The following VGLL3 variants were observed in gnomAD, a reference collection of about 807,000 sequenced individuals.
VGLL3 encodes vestigial like family member 3, also known as transcription cofactor vestigial-like protein 3.
VGLL3 carries 18 observed loss-of-function variants against 29.2 expected under a neutral mutation model. The observed-to-expected ratio is 0.62, with a 90% CI of 0.43 to 0.91. The LOEUF (loss-of-function observed/expected upper bound fraction) is 0.91, where lower values mean the gene tolerates loss of function less well. VGLL3 is among the 40% of genes least tolerant of loss of function. VGLL3 has a pLI of 0.00. For synonymous variants in VGLL3, 180 were observed against 151.8 expected (o/e 1.19, Z -1.36); for missense variants, 440 against 413.2 (o/e 1.06, Z -0.56).
intron 3 of VGLL3, among the ~76,000 whole-genome samples, chr3:86,952,631 A>C (rs1704638752): frequency 6.6e-6 from 1 of 152,224 alleles, no homozygotes; most frequent in Non-Finnish European, 1.5e-5. Flanking sequence ...TACATATTAA[A>C]AGTCAAGAAG....
intron 1 of VGLL3, among the ~76,000 whole-genome samples, chr3:86,981,183 C>T (rs1219989671): frequency 6.6e-6 from 1 of 151,946 alleles, no homozygotes; most frequent in Non-Finnish European, 1.5e-5. Flanking sequence ...GTATTCTTAT[C>T]AATAGTAGCA....
intron 3 of VGLL3, among the ~76,000 whole-genome samples, chr3:86,953,788 GCATTTAGTATA>G (rs1704661677): frequency 6.6e-6 from 1 of 151,918 alleles, no homozygotes; most frequent in Non-Finnish European, 1.5e-5. Flanking sequence ...TTGTATACTA[GCATTTAGTATA>G]CTTTTAGGTA....
rs1704512613 is a variant in VGLL3, at chr3:86,946,651, C to T, written c.*373G>A. 6.0e-6 allele frequency: 1 copy of T among 165,716 alleles called. No homozygotes were observed. The highest frequency in any genetic ancestry group is 1.3e-5 in the Non-Finnish European group (1 of 77,574). 10.3% of individuals were successfully genotyped at this position (165,716 alleles called of 1,614,324 possible). A position where few individuals can be genotyped will look rare whatever the true frequency, so the allele number is the denominator to read the frequency against. ...AAATAGATGCACATAGAGCTACAAA[C>T]TTGTATTCCTGAAAGAATGAACATT... is the stretch of plus-strand genomic sequence containing the variant. On this transcript the variant is annotated 3_prime_UTR_variant, in exon 4 of 4. Transcript: ENST00000398399.
chr3:86,982,521 G>T (rs966903188), intron 1 of VGLL3, among the ~76,000 whole-genome samples: 10 of 150,406 alleles, frequency 6.6e-5, no homozygotes, highest in African/African-American at 9.8e-5. Context: ...CTTGGTGTTT[G>T]CTCCTTCAGT....
chr3:86,970,479 A>ACACG (rs1442132073), intron 2 of VGLL3, among the ~76,000 whole-genome samples: 6 of 111,896 alleles, frequency 5.4e-5, no homozygotes, highest in African/African-American at 1.8e-4. Flanking sequence ...TATATTACAC[A>ACACG]CACGCACACA....
chr3:86,956,008 T>A (rs571151877), intron 3 of VGLL3, among the ~76,000 whole-genome samples: 15 of 152,330 alleles, frequency 9.8e-5, no homozygotes, highest in Admixed American at 2.0e-4. Context: ...TGTGAAACCT[T>A]ATATTACTGA....
At position 86,990,599 on chromosome 3, in the gene VGLL3, T is replaced by C; in HGVS notation, c.126+19A>G. On this transcript the variant is annotated intron_variant, in intron 1 of 3. Transcript: ENST00000398399. The stretch of plus-strand genomic sequence containing the variant: ...CCCTTCGCCCCCGCCCCCAGCAGGC[T>C]GCCCGTCCGGTGACTCACCTGCTGG... The C allele has an allele frequency of 2.2e-6, 3 of 1,334,176 alleles. No individual in the cohort carries two copies. Among genetic ancestry groups the C allele is most frequent in the Non-Finnish European group, 2.9e-6 (3 of 1,033,436 alleles). The allele number at this position is 1,334,176 out of a possible 1,614,324, so 82.6% of individuals were successfully genotyped here.
chr3:86,990,977 T>G lies in VGLL3; in HGVS notation c.-234A>C. On this transcript the variant is annotated 5_prime_UTR_variant, in exon 1 of 4. Coordinates refer to ENST00000398399, the MANE Select transcript of VGLL3 (RefSeq NM_016206.4). ...CCTTCATCTTCAGCCCCTCCGGATGTTCCCTGCCGCGCTTATATAGCGGCT... is the reference window on the plus strand; with the variant it reads ...CCTTCATCTTCAGCCCCTCCGGATGGTCCCTGCCGCGCTTATATAGCGGCT... The G allele has an allele frequency of 2.0e-6, 2 of 1,014,818 alleles. No homozygotes were observed. The highest frequency in any genetic ancestry group is 2.4e-6 in the Non-Finnish European group (2 of 843,038). The allele number at this position is 1,014,818 out of a possible 1,614,324, so 62.9% of individuals were successfully genotyped here. A position where few individuals can be genotyped will look rare whatever the true frequency, so the allele number is the denominator to read the frequency against.
chr3:86,964,251 G>C (rs545905199), intron 3 of VGLL3, among the ~76,000 whole-genome samples: 13 of 152,154 alleles, frequency 8.5e-5, no homozygotes, highest in Non-Finnish European at 1.9e-4. Context: ...GAGCAGAGTA[G>C]AATTAGGTAG....
chr3:86,990,813 G>A lies in VGLL3; in HGVS notation c.-70C>T, dbSNP rs1323405334. On this transcript the variant is annotated 5_prime_UTR_variant, in exon 1 of 4. Coordinates refer to ENST00000398399, the MANE Select transcript of VGLL3 (RefSeq NM_016206.4). Reference sequence around the variant, plus strand: ...ACGCGCTGGCGCGAGGGGCGCGGGCGCCGCCGCCGCCGCAGCTGCCGCCTC... The same window carrying A: ...ACGCGCTGGCGCGAGGGGCGCGGGCACCGCCGCCGCCGCAGCTGCCGCCTC... 5.0e-6 allele frequency: 6 copies of A among 1,200,268 alleles called. No individual in the cohort carries two copies. Among genetic ancestry groups the A allele is most frequent in the African/African-American group, 3.2e-5 (2 of 62,388 alleles). The allele number at this position is 1,200,268 out of a possible 1,614,324, so 74.4% of individuals were successfully genotyped here.
chr3:86,970,948 C>A (rs1314824917), intron 2 of VGLL3, among the ~76,000 whole-genome samples: 2 of 152,108 alleles, frequency 1.3e-5, no homozygotes, highest in African/African-American at 2.4e-5. Context: ...CGGCTTAATA[C>A]TGCTAACAGT....
In VGLL3 at chr3:86,941,895, G is replaced by A. The variant is rs1381621180; in HGVS notation, c.*5129C>T. On this transcript the variant is annotated 3_prime_UTR_variant, in exon 4 of 4. Coordinates refer to ENST00000398399, the MANE Select transcript of VGLL3 (RefSeq NM_016206.4). ...GTAACATTTTGAAGTTATTGAGACTGAGGTTTCCTTATGGACTCCACCCAT... is the reference window on the plus strand; with the variant it reads ...GTAACATTTTGAAGTTATTGAGACTAAGGTTTCCTTATGGACTCCACCCAT... The A allele has an allele frequency of 1.3e-5, 2 of 152,124 alleles. No individual in the cohort carries two copies. The highest frequency in any genetic ancestry group is 4.8e-5 in the African/African-American group (2 of 41,444). The allele number at this position is 152,124 out of a possible 1,614,324, so 9.4% of individuals were successfully genotyped here.
intron 2 of VGLL3, among the ~76,000 whole-genome samples, chr3:86,970,483 G>GCACACACACA (rs10694503): frequency 0.019 from 2,698 of 141,258 alleles, 49 homozygotes; most frequent in South Asian, 0.048. Flanking sequence ...TTACACACAC[G>GCACACACACA]CACACACACA....
Position 86,941,019 on chromosome 3 carries a change from T to A in VGLL3, c.*6005A>T, listed in dbSNP as rs1704386876. On this transcript the variant is annotated 3_prime_UTR_variant, in exon 4 of 4. Transcript: ENST00000398399. ...TTAGTTTTCAGTTTACCTAATCAAGTGACAAATATAAAATTCACTACACTG... is the reference window on the plus strand; with the variant it reads ...TTAGTTTTCAGTTTACCTAATCAAGAGACAAATATAAAATTCACTACACTG... 2 of 152,336 alleles carry A rather than the reference T, an allele frequency of 1.3e-5. No individual in the cohort carries two copies. Among genetic ancestry groups the A allele is most frequent in the Admixed American group, 1.3e-4 (2 of 15,248 alleles). The allele number at this position is 152,336 out of a possible 1,614,324, so 9.4% of individuals were successfully genotyped here.
chr3:86,959,151 T>A (rs1189306956), intron 3 of VGLL3, among the ~76,000 whole-genome samples: 3 of 152,176 alleles, frequency 2.0e-5, no homozygotes, highest in African/African-American at 7.2e-5. Flanking sequence ...GTACACAAAA[T>A]TCTATAAATC....
At chr3:86,949,811 A>G (rs1365864364) in intron 3 of VGLL3, among the ~76,000 whole-genome samples, 2 of 147,856 alleles carry the variant, frequency 1.4e-5, no homozygotes, top group Non-Finnish European at 3.0e-5. Flanking sequence ...TGGGTGACAG[A>G]GCGAGACTCC....
intron 3 of VGLL3, among the ~76,000 whole-genome samples, chr3:86,953,819 T>G (rs1456287488): frequency 6.6e-6 from 1 of 152,182 alleles, no homozygotes; most frequent in Non-Finnish European, 1.5e-5. Context: ...ATACTAGCAT[T>G]TCTTCCCATG....
chr3:86,948,004 T>C (rs577748588), intron 3 of VGLL3, among the ~76,000 whole-genome samples: 1 of 152,234 alleles, frequency 6.6e-6, no homozygotes, highest in South Asian at 2.1e-4. Context: ...TAAAATTGTA[T>C]ATATTTAAGG....
At position 86,990,760 on chromosome 3, in the gene VGLL3, G is replaced by C; in HGVS notation, c.-17C>G. 1.5e-6 allele frequency: 2 copies of C among 1,305,906 alleles called. No individual in the cohort carries two copies. Among genetic ancestry groups the C allele is most frequent in the Non-Finnish European group, 2.0e-6 (2 of 1,025,454 alleles). 80.9% of individuals were successfully genotyped at this position (1,305,906 alleles called of 1,614,324 possible). On this transcript the variant is annotated 5_prime_UTR_variant, in exon 1 of 4. Transcript: ENST00000398399. ...ACAACTCATGGCAGCCGGGGCAGTG[G>C]CGGCCCCCGAGCTGCCGCCGCCGCT...
Sources: allele counts gnomAD v4.1 joint callset (sites outside exome capture counted in the v4.1 genomes callset), GRCh38; gene constraint gnomAD v4.1.1; transcripts MANE v1.5; gene names NCBI Gene and HGNC (gene_info 2026-07-23, HGNC 2026-07-21).